KLHL29: variants seen among roughly 807,000 people sequenced by gnomAD.
The protein encoded by KLHL29 is kelch-like protein 29.
In KLHL29, 21 loss-of-function variants were observed where a neutral mutation model predicts 80.4. The observed-to-expected ratio is 0.26, with a 90% CI of 0.19 to 0.38. KLHL29 has a LOEUF of 0.38. Ranked by LOEUF, KLHL29 falls within the 10% of genes least tolerant of loss-of-function variation. KLHL29 has a pLI of 1.00. For synonymous variants in KLHL29, 511 were observed against 526.8 expected, an observed-to-expected ratio of 0.97 and a Z score of 0.41; for missense variants, 867 against 1,223.9, an observed-to-expected ratio of 0.71 and a Z score of 4.35.
intron 3 of KLHL29, among the ~76,000 whole-genome samples, chr2:23,581,225 C>T (rs1257215326): frequency 2.0e-5 from 3 of 152,174 alleles, no homozygotes; most frequent in African/African-American, 7.2e-5. Flanking sequence ...CTTGAGTACA[C>T]TTGAGCATCT....
chr2:23,603,235 G>A (rs1157421800), intron 3 of KLHL29, among the ~76,000 whole-genome samples: 3 of 152,218 alleles, frequency 2.0e-5, no homozygotes, highest in African/African-American at 7.2e-5. Context: ...AGTTTCTGTA[G>A]CTGCTGGAGC....
chr2:23,526,918 A>T (rs1052069351), intron 2 of KLHL29, among the ~76,000 whole-genome samples: 1 of 152,076 alleles, frequency 6.6e-6, no homozygotes, highest in African/African-American at 2.4e-5. Flanking sequence ...TTAAACATTT[A>T]CCAGTATAGC....
intron 5 of KLHL29, among the ~76,000 whole-genome samples, chr2:23,650,484 G>A (rs1440110647): frequency 6.6e-6 from 1 of 152,228 alleles, no homozygotes; most frequent in Non-Finnish European, 1.5e-5. Context: ...AGCCCGGGGA[G>A]CCTGCTCGGG....
chr2:23,430,453 T>A (rs955692200), intron 1 of KLHL29, among the ~76,000 whole-genome samples: 1 of 152,222 alleles, frequency 6.6e-6, no homozygotes, highest in African/African-American at 2.4e-5. Context: ...AATCTATTGC[T>A]TGTTTGATGC....
At chr2:23,607,342 C>G (rs757293915) in intron 3 of KLHL29, among the ~76,000 whole-genome samples, 32 of 152,124 alleles carry the variant, frequency 2.1e-4, no homozygotes, top group Non-Finnish European at 4.4e-5. Context: ...CACTCTGACC[C>G]CAGAGAAGAA....
chr2:23,595,677 G>A (rs1311612227), intron 3 of KLHL29, among the ~76,000 whole-genome samples: 3 of 152,152 alleles, frequency 2.0e-5, no homozygotes, highest in Non-Finnish European at 4.4e-5. Flanking sequence ...CACTTGGGGG[G>A]CAGAGGACGT....
intron 3 of KLHL29, among the ~76,000 whole-genome samples, chr2:23,590,923 C>T (rs1309950220): frequency 1.3e-5 from 2 of 152,192 alleles, no homozygotes; most frequent in Non-Finnish European, 2.9e-5. Context: ...TCGCCACAGA[C>T]GTCCCTGCCG....
chr2:23,419,943 C>A (rs1028731471), intron 1 of KLHL29, among the ~76,000 whole-genome samples: 21 of 152,224 alleles, frequency 1.4e-4, no homozygotes, highest in African/African-American at 5.1e-4. Flanking sequence ...CTTCTCCCCA[C>A]TGAGCCACAG....
At chr2:23,540,704 C>T (rs1476295477) in intron 2 of KLHL29, among the ~76,000 whole-genome samples, 1 of 152,228 alleles carries the variant, frequency 6.6e-6, no homozygotes, top group African/African-American at 2.4e-5. Flanking sequence ...ACTCAGGCTT[C>T]AGCACAGCCA....
At chr2:23,635,935 G>A (rs965618826) in intron 3 of KLHL29, among the ~76,000 whole-genome samples, 3 of 152,252 alleles carry the variant, frequency 2.0e-5, no homozygotes, top group Non-Finnish European at 4.4e-5. Flanking sequence ...AGTTCTTCTG[G>A]TTGGTTTTCG....
chr2:23,460,296 C>T (rs1026756635), intron 1 of KLHL29, among the ~76,000 whole-genome samples: 7 of 152,092 alleles, frequency 4.6e-5, no homozygotes, highest in Non-Finnish European at 8.8e-5. Flanking sequence ...TGTGTGTTCA[C>T]GGGGCTTATA....
intron 3 of KLHL29, among the ~76,000 whole-genome samples, chr2:23,614,970 C>A (rs764157525): frequency 6.6e-6 from 1 of 152,200 alleles, no homozygotes; most frequent in East Asian, 1.9e-4. Flanking sequence ...AGCTCCGCCT[C>A]CAGCAAAACA....
chr2:23,474,482 A>G (rs2103437419), intron 1 of KLHL29, among the ~76,000 whole-genome samples: 1 of 152,352 alleles, frequency 6.6e-6, no homozygotes, highest in Non-Finnish European at 1.5e-5. Context: ...TGTCAAAATT[A>G]AATGGCGACC....
At chr2:23,677,627 A>G (rs1176902897) in intron 5 of KLHL29, among the ~76,000 whole-genome samples, 1 of 152,236 alleles carries the variant, frequency 6.6e-6, no homozygotes, top group African/African-American at 2.4e-5. Flanking sequence ...GAAAAGAAGT[A>G]GGGGAAGAAA....
At chr2:23,472,761 A>T (rs1392316407) in intron 1 of KLHL29, among the ~76,000 whole-genome samples, 1 of 152,214 alleles carries the variant, frequency 6.6e-6, no homozygotes, top group Non-Finnish European at 1.5e-5. Flanking sequence ...CCTAAAAAGA[A>T]TGGGAAACAG....
intron 1 of KLHL29, among the ~76,000 whole-genome samples, chr2:23,423,102 C>A (rs1462727936): frequency 6.6e-6 from 1 of 152,240 alleles, no homozygotes; most frequent in Non-Finnish European, 1.5e-5. Context: ...CAGGCCTCAG[C>A]GTGGACAGTG....
intron 2 of KLHL29, among the ~76,000 whole-genome samples, chr2:23,480,517 G>T (rs561214512): frequency 7.6e-4 from 115 of 152,040 alleles, no homozygotes; most frequent in Non-Finnish European, 1.5e-3. Context: ...AACTACAGAT[G>T]CCTAGGTCCT....
chr2:23,439,436 T>C (rs1663445718), intron 1 of KLHL29, among the ~76,000 whole-genome samples: 1 of 150,942 alleles, frequency 6.6e-6, no homozygotes, highest in Non-Finnish European at 1.5e-5. Flanking sequence ...CTGCTTTCTC[T>C]TGTGGGCATT....
chr2:23,640,140 G>A (rs1348279390), intron 4 of KLHL29, among the ~76,000 whole-genome samples: 1 of 152,176 alleles, frequency 6.6e-6, no homozygotes, highest in Non-Finnish European at 1.5e-5. Flanking sequence ...GGCTTAGGCA[G>A]CTGGGTTTGG....
Sources: allele counts gnomAD v4.1 joint callset (sites outside exome capture counted in the v4.1 genomes callset), GRCh38; gene constraint gnomAD v4.1.1; transcripts MANE v1.5; gene names NCBI Gene and HGNC (gene_info 2026-07-23, HGNC 2026-07-21).